PIK3R5: variants seen among roughly 807,000 people sequenced by gnomAD.
PIK3R5 encodes phosphoinositide 3-kinase regulatory subunit 5.
PIK3R5 carries 32 observed loss-of-function variants against 94.9 expected under a neutral mutation model. The observed-to-expected ratio is 0.34, with a 90% CI of 0.25 to 0.45. The LOEUF is 0.45. Ranked by LOEUF, PIK3R5 falls within the 20% of genes least tolerant of loss-of-function variation. The pLI, the probability that PIK3R5 is intolerant of heterozygous loss-of-function variation, is 1.00. For missense variants in PIK3R5, 853 were observed against 1,144.6 expected (o/e 0.75, Z 3.68); for synonymous variants, 443 against 479.4 (o/e 0.92, Z 0.99).
Position 8,882,113 on chromosome 17 carries a change from A to C in PIK3R5, c.2206-232T>G. Reference sequence around the variant, plus strand: ...TCAGCAGCCTCTGTGACCAGGTTGAAAGGTACAAGAGCTGAGAGCACCTGC... The same window carrying C: ...TCAGCAGCCTCTGTGACCAGGTTGACAGGTACAAGAGCTGAGAGCACCTGC... On this transcript the variant is annotated intron_variant, in intron 15 of 18. Transcript: ENST00000447110. This position sits in a 1 kb window ranked among gnomAD's most constrained non-coding sequence, Gnocchi z 4.1. 1 of 548,708 alleles carries C rather than the reference A, an allele frequency of 1.8e-6. No homozygotes were observed. Among genetic ancestry groups the C allele is most frequent in the Non-Finnish European group, 3.3e-6 (1 of 304,430 alleles). 34.0% of individuals were successfully genotyped at this position (548,708 alleles called of 1,614,324 possible).
chr17:8,938,494 C>T (rs995408370), intron 1 of PIK3R5, among the ~76,000 whole-genome samples: 2 of 152,156 alleles, frequency 1.3e-5, no homozygotes, highest in African/African-American at 4.8e-5. Flanking sequence ...ATATTTTCAT[C>T]GCTCCAAAAA....
chr17:8,897,352 G>A (rs1246716024), intron 5 of PIK3R5, among the ~76,000 whole-genome samples: 2 of 152,198 alleles, frequency 1.3e-5, no homozygotes, highest in African/African-American at 4.8e-5. Flanking sequence ...CCTTCATGCA[G>A]GCAGAGGAGA....
chr17:8,950,724 T>C (rs2091361468), intron 1 of PIK3R5, among the ~76,000 whole-genome samples: 1 of 152,192 alleles, frequency 6.6e-6, no homozygotes, highest in South Asian at 2.1e-4. Context: ...TGATTCCATG[T>C]CTTTGCTATT....
chr17:8,888,961 G>A lies in PIK3R5; in HGVS notation c.896-70C>T, dbSNP rs1299411060. ...GATCCCCTTCTATATTCCCTTTGGA[G>A]GGGAGACAGCAGGACTCAGGGCCAG... is the stretch of plus-strand genomic sequence containing the variant. On this transcript the variant is annotated intron_variant, in intron 9 of 18. Transcript: ENST00000447110. The surrounding 1 kb of genome is among the most constrained non-coding windows in gnomAD (Gnocchi z 7.8). The A allele has an allele frequency of 6.5e-7, 1 of 1,544,104 alleles. No individual in the cohort carries two copies. Among genetic ancestry groups the A allele is most frequent in the African/African-American group, 1.4e-5 (1 of 73,504 alleles).
chr17:8,886,576 C>T lies in PIK3R5; in HGVS notation c.1935G>A (p.Leu645=). 1.2e-6 allele frequency: 2 copies of T among 1,608,752 alleles called. No homozygotes were observed. Among genetic ancestry groups the T allele is most frequent in the Non-Finnish European group, 8.5e-7 (1 of 1,177,612 alleles). The change falls in exon 13 of 19, where the codon CTG becomes CTA. Residue 645 remains leucine, a synonymous_variant. Transcript: ENST00000447110. The stretch of plus-strand genomic sequence containing the variant: ...TGGGCAGCTGGGTTGGGGAGCCCTC[C>T]AGGGCCTGGGCTTCAGCCTTCAGGG... ...QQSLKAEAQA[L]EGSPTQLPIL... is the part of the protein sequence containing the mutation.
In PIK3R5 at chr17:8,881,625, C is replaced by T. The variant is rs61756145; in HGVS notation, c.2382+5G>A. The T allele has an allele frequency of 6.4e-4, 1,022 of 1,609,264 alleles. 8 individuals carry two copies. The African/African-American group carries it at 0.012, about 19-fold the overall frequency. ...GTATGGCTGGAAGGAGAGGGAAGCC[C>T]GTACCTGGTTAAAGCCCTTCTTGGA... is the stretch of plus-strand genomic sequence containing the variant. On this transcript the variant is annotated splice_donor_5th_base_variant and intron_variant, in intron 17 of 18. Coordinates refer to ENST00000447110, the MANE Select transcript of PIK3R5 (RefSeq NM_001142633.3). The surrounding 1 kb of genome is among the most constrained non-coding windows in gnomAD (Gnocchi z 4.8).
intron 1 of PIK3R5, among the ~76,000 whole-genome samples, chr17:8,927,415 T>G (rs1016549414): frequency 1.3e-5 from 2 of 152,174 alleles, no homozygotes; most frequent in African/African-American, 2.4e-5. Context: ...GCCAAGTAGA[T>G]AGCCAGGTCT....
At chr17:8,938,432 G>T (rs1460751005) in intron 1 of PIK3R5, among the ~76,000 whole-genome samples, 1 of 152,230 alleles carries the variant, frequency 6.6e-6, no homozygotes, top group African/African-American at 2.4e-5. Flanking sequence ...CCCTTCAGCG[G>T]CTTTTACTAT....
intron 1 of PIK3R5, among the ~76,000 whole-genome samples, chr17:8,927,765 G>A (rs1159692905): frequency 1.3e-5 from 2 of 152,160 alleles, no homozygotes; most frequent in Non-Finnish European, 2.9e-5. Context: ...GTGGTGCCTG[G>A]TGAGAGGTCT....
At chr17:8,943,538 C>T (rs1010455942) in intron 1 of PIK3R5, among the ~76,000 whole-genome samples, 4 of 152,024 alleles carry the variant, frequency 2.6e-5, no homozygotes, top group South Asian at 2.1e-4. Context: ...TTTGGGAGGC[C>T]GAGGCGGATG....
intron 1 of PIK3R5, among the ~76,000 whole-genome samples, chr17:8,953,598 T>G (rs115482191): frequency 0.018 from 2,703 of 152,252 alleles, 79 homozygotes; most frequent in African/African-American, 0.059. Context: ...GTTCAGAGGA[T>G]GGATTCACCA....
Position 8,880,554 on chromosome 17 carries a change from A to G in PIK3R5, c.*85T>C. ...ACTATGGCTCTGCACAGGGCCATTC[A>G]GTTCTCCACAGAGAGGGACTGTCCT... On this transcript the variant is annotated 3_prime_UTR_variant, in exon 19 of 19. Transcript: ENST00000447110. 1.5e-6 allele frequency: 2 copies of G among 1,337,392 alleles called. No homozygotes were observed. Among genetic ancestry groups the G allele is most frequent in the Non-Finnish European group, 2.0e-6 (2 of 997,728 alleles). The allele number at this position is 1,337,392 out of a possible 1,614,324, so 82.8% of individuals were successfully genotyped here.
In PIK3R5 at chr17:8,880,726, C is replaced by T. The variant is rs188398507; in HGVS notation, c.2556G>A (p.Thr852=). The T allele has an allele frequency of 1.7e-4, 280 of 1,613,900 alleles. No homozygotes were observed. The highest frequency in any genetic ancestry group is 2.1e-4 in the Non-Finnish European group (248 of 1,179,894). ...CGGCCTGGGCCGGCAGGTCAGGAGG[C>T]GTCTGGGGTGGTGAGGAGAGGTCGC... is the stretch of plus-strand genomic sequence containing the variant. ...EKSDLSSPPQ[T]PPDLPAQAAP... The change falls in exon 19 of 19, where the codon ACG becomes ACA. Residue 852 remains threonine, a synonymous_variant. Transcript: ENST00000447110.
At chr17:8,914,583 G>A (rs968154475) in intron 1 of PIK3R5, among the ~76,000 whole-genome samples, 1 of 152,190 alleles carries the variant, frequency 6.6e-6, no homozygotes, top group Non-Finnish European at 1.5e-5. Context: ...CCGCAAAGCT[G>A]AGGGCAGAGG....
rs2090081884 is a variant in PIK3R5 at position 8,893,720 on chromosome 17, G to A, written c.413-65C>T. 14 of 1,258,580 alleles carry A rather than the reference G, an allele frequency of 1.1e-5. 1 individual carries two copies. Among genetic ancestry groups the A allele is most frequent in the East Asian group, 7.0e-5 (3 of 42,756 alleles). The allele number at this position is 1,258,580 out of a possible 1,614,324, so 78.0% of individuals were successfully genotyped here. ...TCCTTCAGCATCGTCCGTGTGCCTC[G>A]TGGGGAGCCAAGCACTGGACAATCA... On this transcript the variant is annotated intron_variant, in intron 5 of 18. Coordinates refer to ENST00000447110, the MANE Select transcript of PIK3R5 (RefSeq NM_001142633.3). The surrounding 1 kb of genome is among the most constrained non-coding windows in gnomAD (Gnocchi z 5.1).
chr17:8,881,557 GTACACACA>G lies in PIK3R5; in HGVS notation c.2382+65_2382+72del. 1 of 1,157,584 alleles carries G rather than the reference GTACACACA, an allele frequency of 8.6e-7. No homozygotes were observed. Among genetic ancestry groups the G allele is most frequent in the Non-Finnish European group, 1.3e-6 (1 of 783,628 alleles). 71.7% of individuals were successfully genotyped at this position (1,157,584 alleles called of 1,614,324 possible). A position where few individuals can be genotyped will look rare whatever the true frequency, so the allele number is the denominator to read the frequency against. The stretch of plus-strand genomic sequence containing the variant: ...CACACACATACATGTGCACACACAC[GTACACACA>G]TACGCACATGCACGCTCCAGTAAGT... On this transcript the variant is annotated intron_variant, in intron 17 of 18. Coordinates refer to ENST00000447110, the MANE Select transcript of PIK3R5 (RefSeq NM_001142633.3). The surrounding 1 kb of genome is among the most constrained non-coding windows in gnomAD (Gnocchi z 4.8).
At chr17:8,908,352 A>C (rs726680) in intron 3 of PIK3R5, among the ~76,000 whole-genome samples, 39,072 of 151,888 alleles carry the variant, frequency 0.26, 5,423 homozygotes, top group African/African-American at 0.28. Context: ...TTGGGTTTAT[A>C]TGTTATGCGC....
Position 8,890,686 on chromosome 17 carries a change from G to T in PIK3R5, c.657+52C>A. 1 of 1,486,516 alleles carries T rather than the reference G, an allele frequency of 6.7e-7. No individual in the cohort carries two copies. 92.1% of individuals were successfully genotyped at this position (1,486,516 alleles called of 1,614,324 possible). A position where few individuals can be genotyped will look rare whatever the true frequency, so the allele number is the denominator to read the frequency against. The stretch of plus-strand genomic sequence containing the variant: ...GGCTGAGATGAAGCAGGGAGAGGGT[G>T]CTACCTCCTCAGAGAGGTGCTCCAC... On this transcript the variant is annotated intron_variant, in intron 7 of 18. Coordinates refer to ENST00000447110, the MANE Select transcript of PIK3R5 (RefSeq NM_001142633.3). The surrounding 1 kb of genome is among the most constrained non-coding windows in gnomAD (Gnocchi z 6.1).
rs374944495 is a variant in PIK3R5, at chr17:8,909,892, G to A, written c.104-718C>T. On this transcript the variant is annotated intron_variant, in intron 2 of 18. Transcript: ENST00000447110. This position sits in a 1 kb window ranked among gnomAD's most constrained non-coding sequence, Gnocchi z 4.3. ...GAAATTGCTGGAAGAATACAGAGAG[G>A]AGCCACGGTGAGTTCCATCCCAAGA... 6.6e-6 allele frequency among the ~76,000 whole-genome samples: 1 copy of A among 152,320 alleles called. No individual in the cohort carries two copies. Among genetic ancestry groups the A allele is most frequent in the Admixed American group, 6.5e-5 (1 of 15,306 alleles).
Sources: gnomAD v4.1 joint callset for allele counts (sites outside exome capture counted in the v4.1 genomes callset) on GRCh38, gnomAD v4.1.1 for gene constraint, Gnocchi (gnomAD v3.1) non-coding constraint, MANE v1.5 for transcripts, NCBI Gene and HGNC (gene_info 2026-07-23, HGNC 2026-07-21) for gene names.